The following NFU1 variants were observed in gnomAD, a reference collection of about 807,000 sequenced individuals.
The protein encoded by NFU1 is NFU1 iron-sulfur cluster scaffold homolog, mitochondrial.
Under a neutral mutation model 32.2 loss-of-function variants are expected in NFU1, and 30 were observed. That is an observed-to-expected ratio of 0.93 (90% confidence interval 0.70 to 1.26). NFU1 has a LOEUF of 1.26. Ranked by LOEUF, NFU1 falls within the 50% of genes most tolerant of loss-of-function variation. The pLI, the probability that NFU1 is intolerant of heterozygous loss-of-function variation, is 0.00. For missense variants in NFU1, 306 were observed against 306.6 expected (o/e 1.00, Z 0.02); for synonymous variants, 112 against 104.6 (o/e 1.07, Z -0.43).
rs778640950 is a variant in NFU1, at chr2:69,396,191, T to C, written c.*55A>G. 1 of 1,353,406 alleles carries C rather than the reference T, an allele frequency of 7.4e-7. No homozygotes were observed. 83.8% of individuals were successfully genotyped at this position (1,353,406 alleles called of 1,614,324 possible). ...CCTCAGCATATTAATAATAAAAACT[T>C]GATATATATTATCAACAAGTCTGAC... On this transcript the variant is annotated 3_prime_UTR_variant, in exon 8 of 8. Transcript: ENST00000410022.
chr2:69,437,213 T>C (rs2104827615), intron 1 of NFU1, 148 bp downstream of exon 1: 1 of 1,458,666 alleles, frequency 6.9e-7, no homozygotes, highest in Non-Finnish European at 9.0e-7. Flanking sequence ...GCCTCAGGGC[T>C]CACCCCCAAC....
chr2:69,429,453 T>A (rs1484233026), intron 2 of NFU1, among the ~76,000 whole-genome samples: 2 of 151,134 alleles, frequency 1.3e-5, no homozygotes, highest in Non-Finnish European at 2.9e-5. Context: ...TCCAGCTACA[T>A]AGGAGGCTAA....
chr2:69,437,402 C>G lies in NFU1; in HGVS notation c.21G>C (p.Arg7=), dbSNP rs759819610. Residue 7 remains arginine (R), a synonymous_variant, in exon 1 of 8, where the codon CGG becomes CGC. Transcript: ENST00000410022. ...CGGCAACAGCCGCAGCTCCCCAGCC[C>G]CGCCTGGCCGTCGCCGCCATCTTAG... MAATAR[R]GWGAAAVAAG... is the part of the protein sequence containing the mutation. 6.2e-7 allele frequency: 1 copy of G among 1,610,652 alleles called. No homozygotes were observed. Among genetic ancestry groups the G allele is most frequent in the East Asian group, 2.2e-5 (1 of 44,852 alleles).
intron 5 of NFU1, among the ~76,000 whole-genome samples, chr2:69,409,885 CATG>C (rs961834308): frequency 1.3e-5 from 2 of 152,130 alleles, no homozygotes; most frequent in East Asian, 3.9e-4. Context: ...CAAATTTCAG[CATG>C]ATATTTGGAG....
intron 6 of NFU1, among the ~76,000 whole-genome samples, chr2:69,402,354 G>A (rs192899240): frequency 2.0e-5 from 3 of 152,070 alleles, no homozygotes; most frequent in Non-Finnish European, 4.4e-5. Flanking sequence ...CAACAGTCTC[G>A]CTTTGTCACA....
intron 2 of NFU1, among the ~76,000 whole-genome samples, chr2:69,426,118 G>A (rs1248338864): frequency 1.3e-5 from 2 of 151,850 alleles, no homozygotes; most frequent in African/African-American, 2.4e-5. Flanking sequence ...AACTACAGGT[G>A]TGCACCACCA....
chr2:69,431,804 G>C (rs1305964803), intron 2 of NFU1, 98 bp downstream of exon 2: 7 of 810,214 alleles, frequency 8.6e-6, no homozygotes, highest in African/African-American at 5.1e-5. Context: ...CTTCTAAATA[G>C]AAAATATACA....
intron 2 of NFU1, among the ~76,000 whole-genome samples, chr2:69,425,778 G>A (rs979948296): frequency 2.0e-5 from 3 of 151,956 alleles, no homozygotes; most frequent in Non-Finnish European, 4.4e-5. Context: ...GAGCCACCAT[G>A]CCTGGCCCAG....
chr2:69,424,198 A>AAAT (rs1558840147), intron 2 of NFU1, among the ~76,000 whole-genome samples: 8 of 74,536 alleles, frequency 1.1e-4, no homozygotes, highest in South Asian at 9.8e-4. Context: ...AAAAAAAAAA[A>AAAT]ATATATATAT....
intron 7 of NFU1, among the ~76,000 whole-genome samples, chr2:69,396,806 C>T (rs1157664402): frequency 6.6e-6 from 1 of 152,190 alleles, no homozygotes; most frequent in Non-Finnish European, 1.5e-5. Context: ...GGCGCGGTGG[C>T]TCACGCCTGT....
rs561891616 is a variant in NFU1, at chr2:69,415,367, T to G, written c.370-68A>C. 13 of 840,436 alleles carry G rather than the reference T, an allele frequency of 1.5e-5. No homozygotes were observed. The Admixed American group carries it at 2.8e-4, about 18-fold the overall frequency. The allele number at this position is 840,436 out of a possible 1,614,324, so 52.1% of individuals were successfully genotyped here. On this transcript the variant is annotated intron_variant, in intron 4 of 7. Transcript: ENST00000410022. ...CAAAGACCCATACAGAACACTACCT[T>G]ATACCTCTTTTTTCTTTTTTTTTTT...
At chr2:69,432,140 C>CT (rs1673660208) in intron 1 of NFU1, 135 bp from the exon 2 acceptor site, 1 of 661,088 alleles carries the variant, frequency 1.5e-6, no homozygotes, top group Non-Finnish European at 2.7e-6. Flanking sequence ...AGAGAACTGA[C>CT]TTTTCATCTT....
chr2:69,424,198 A>AAAATATATATATAT (rs1558840147), intron 2 of NFU1, among the ~76,000 whole-genome samples: 2 of 74,538 alleles, frequency 2.7e-5, no homozygotes, highest in African/African-American at 1.1e-4. Context: ...AAAAAAAAAA[A>AAAATATATATATAT]ATATATATAT....
chr2:69,434,661 G>A (rs1673768024), intron 1 of NFU1, among the ~76,000 whole-genome samples: 1 of 152,130 alleles, frequency 6.6e-6, no homozygotes. Context: ...CACTTCATAG[G>A]AGCCATAGAA....
intron 4 of NFU1, among the ~76,000 whole-genome samples, chr2:69,417,113 AAAG>A (rs1415285117): frequency 6.6e-6 from 1 of 152,208 alleles, no homozygotes; most frequent in Non-Finnish European, 1.5e-5. Context: ...TTGGTAATAA[AAAG>A]AAAAAATATT....
chr2:69,431,998 G>A lies in NFU1; in HGVS notation c.70C>T (p.His24Tyr). The change falls in exon 2 of 8, where the codon CAT (histidine) becomes TAT (tyrosine). Residue 24 changes from histidine to tyrosine, a missense_variant. Physicochemically the swap from His to Tyr is moderately conservative, Grantham distance 83. Coordinates refer to ENST00000410022, the MANE Select transcript of NFU1 (RefSeq NM_001002755.4). ...ATGGTGTATGGATTCTTCAACATAT[G>A]ACAGAACCTGCATTTAAAAGCACAT... The part of the protein sequence containing the change: ...VAAGLRRRFC[H>Y]MLKNPYTIKK... 8.7e-6 allele frequency: 14 copies of A among 1,602,372 alleles called. No homozygotes were observed. Among genetic ancestry groups the A allele is most frequent in the African/African-American group, 1.3e-5 (1 of 74,798 alleles).
At chr2:69,435,462 G>T (rs540342909) in intron 1 of NFU1, among the ~76,000 whole-genome samples, 1 of 152,140 alleles carries the variant, frequency 6.6e-6, no homozygotes, top group Non-Finnish European at 1.5e-5. Context: ...AATTCTTCTC[G>T]TGGAAAAGAA....
intron 6 of NFU1, among the ~76,000 whole-genome samples, chr2:69,405,161 C>T (rs752899951): frequency 1.2e-4 from 19 of 152,020 alleles, no homozygotes; most frequent in Non-Finnish European, 1.9e-4. Context: ...TCTGGAGAAC[C>T]GCTTGAACCC....
In NFU1 at chr2:69,407,328, TA is replaced by T. The variant is rs201256381; in HGVS notation, c.485-1247del. On this transcript the variant is annotated intron_variant, in intron 5 of 7. Coordinates refer to ENST00000410022, the MANE Select transcript of NFU1 (RefSeq NM_001002755.4). Reference sequence around the variant, plus strand: ...AAAATATGGAGATTTCATATTACGTTATAACAAACACTAGATTCTGGCAACC... The same window carrying T: ...AAAATATGGAGATTTCATATTACGTTTAACAAACACTAGATTCTGGCAACC... 3.5e-3 allele frequency among the ~76,000 whole-genome samples: 526 copies of T among 152,250 alleles called. 2 individuals are homozygous for T. Among genetic ancestry groups the T allele is most frequent in the African/African-American group, 0.012 (503 of 41,542 alleles).
Sources: gnomAD v4.1 joint callset for allele counts (sites outside exome capture counted in the v4.1 genomes callset) on GRCh38, gnomAD v4.1.1 for gene constraint, MANE v1.5 for transcripts, NCBI Gene and HGNC (gene_info 2026-07-23, HGNC 2026-07-21) for gene names.